PRTG: variants seen among roughly 807,000 people sequenced by gnomAD.
PRTG encodes the protein immunoglobulin superfamily, DCC subclass, member 5.
A neutral mutation model predicts 122.5 loss-of-function variants in PRTG; 67 were observed. The observed-to-expected ratio is 0.55, with a 90% confidence interval of 0.45 to 0.67. The LOEUF is 0.67. Among genes scored for constraint, PRTG ranks in the 30% least tolerant of loss-of-function variants. The pLI is 0.00. For synonymous variants in PRTG, 554 were observed against 501.1 expected (o/e 1.11, Z -1.41); for missense variants, 1,435 against 1,415.4 (o/e 1.01, Z -0.22).
At chr15:55,731,983 T>A (rs2031249860) in intron 2 of PRTG, among the ~76,000 whole-genome samples, 1 of 152,172 alleles carries the variant, frequency 6.6e-6, no homozygotes, top group Admixed American at 6.5e-5. Context: ...ATATCGCTCC[T>A]AGGCTACAAA....
chr15:55,701,406 C>T (rs895555469), intron 2 of PRTG, among the ~76,000 whole-genome samples: 4 of 151,976 alleles, frequency 2.6e-5, no homozygotes, highest in South Asian at 2.1e-4. Flanking sequence ...TGGTGGCAGG[C>T]GACTGTAATC....
chr15:55,666,840 C>G (rs1008127333), intron 11 of PRTG, among the ~76,000 whole-genome samples: 1 of 152,164 alleles, frequency 6.6e-6, no homozygotes, highest in South Asian at 2.1e-4. Flanking sequence ...CATTTAATCT[C>G]CCTAACATTC....
Position 55,654,402 on chromosome 15 carries a change from G to A in PRTG, c.2042-13194C>T, listed in dbSNP as rs1321464973. On this transcript the variant is annotated intron_variant, in intron 11 of 19. Coordinates refer to ENST00000389286, the MANE Select transcript of PRTG (RefSeq NM_173814.6). Reference sequence around the variant, plus strand: ...AACTTAAAAGCGAGTAAAATGGAGTGATCATTGATTATAAGTACGAAATTT... The same window carrying A: ...AACTTAAAAGCGAGTAAAATGGAGTAATCATTGATTATAAGTACGAAATTT... 5.9e-5 allele frequency among the ~76,000 whole-genome samples: 9 copies of A among 152,118 alleles called. No homozygotes were observed. The East Asian group carries it at 1.7e-3, about 29-fold the overall frequency.
At chr15:55,665,234 TG>T (rs1490796197) in intron 11 of PRTG, among the ~76,000 whole-genome samples, 2 of 151,946 alleles carry the variant, frequency 1.3e-5, no homozygotes, top group Non-Finnish European at 2.9e-5. Flanking sequence ...CACTCCAGCC[TG>T]GGTGACAGAG....
In PRTG at chr15:55,693,018, T is replaced by C. The variant is rs1035102457; in HGVS notation, c.398-9087A>G. On this transcript the variant is annotated intron_variant, in intron 2 of 19. Transcript: ENST00000389286. ...ACCACGGCCAGCTAATTTTTTTTTTTTTTGTATTTTCAGTAGAGACGGGGT... is the reference window on the plus strand; with the variant it reads ...ACCACGGCCAGCTAATTTTTTTTTTCTTTGTATTTTCAGTAGAGACGGGGT... 3.0e-4 allele frequency among the ~76,000 whole-genome samples: 45 copies of C among 151,908 alleles called. No individual in the cohort carries two copies. In the South Asian group the frequency reaches 9.2e-3, roughly 31 times the overall value.
chr15:55,647,160 A>C (rs2059328771), intron 11 of PRTG, among the ~76,000 whole-genome samples: 1 of 152,056 alleles, frequency 6.6e-6, no homozygotes, highest in African/African-American at 2.4e-5. Context: ...GGCGCCTGTA[A>C]TCCTAGCTAC....
intron 11 of PRTG, among the ~76,000 whole-genome samples, chr15:55,656,763 T>C (rs2059382550): frequency 6.6e-6 from 1 of 152,226 alleles, no homozygotes; most frequent in Non-Finnish European, 1.5e-5. Flanking sequence ...CCATCTCGGC[T>C]TCCCAAAGTG....
chr15:55,723,445 C>G (rs886486001), intron 2 of PRTG, among the ~76,000 whole-genome samples: 3 of 145,716 alleles, frequency 2.1e-5, no homozygotes, highest in Non-Finnish European at 1.5e-5. Context: ...GGGGCACCAT[C>G]AAGCAGACGA....
intron 11 of PRTG, among the ~76,000 whole-genome samples, chr15:55,667,956 G>A (rs754847507): frequency 8.5e-5 from 13 of 152,100 alleles, no homozygotes; most frequent in Non-Finnish European, 1.2e-4. Context: ...GCGTGGTGGC[G>A]CACGCCTGTG....
At chr15:55,623,189 G>GT (rs1193913764) in intron 18 of PRTG, among the ~76,000 whole-genome samples, 1 of 152,086 alleles carries the variant, frequency 6.6e-6, no homozygotes, top group Non-Finnish European at 1.5e-5. Flanking sequence ...GGGCCAGATC[G>GT]TAACTATTTT....
chr15:55,742,506 G>C, intron 1 of PRTG: 1 of 239,198 alleles, frequency 4.2e-6, no homozygotes, highest in Non-Finnish European at 8.0e-6. Flanking sequence ...GCGCGGACGC[G>C]GCCGGAGCCG....
At chr15:55,637,889 T>A (rs2059266632) in intron 14 of PRTG, among the ~76,000 whole-genome samples, 1 of 152,200 alleles carries the variant, frequency 6.6e-6, no homozygotes. Flanking sequence ...TAATATAAGC[T>A]AAAAGTGTGA....
chr15:55,729,591 AAAAATAAAATAAAAT>A (rs1327999268), intron 2 of PRTG, among the ~76,000 whole-genome samples: 4 of 151,796 alleles, frequency 2.6e-5, no homozygotes, highest in Non-Finnish European at 5.9e-5. Context: ...TGCGGGGAAA[AAAAATAAAATAAAAT>A]AAAATAAAAT....
chr15:55,682,594 C>T, intron 3 of PRTG, 97 bp from the exon 4 acceptor site: 5 of 320,956 alleles, frequency 1.6e-5, no homozygotes, highest in Non-Finnish European at 2.3e-5. Context: ...GATGGAGTTT[C>T]ACTCTTGTTG....
At chr15:55,696,201 C>T (rs2059631318) in intron 2 of PRTG, among the ~76,000 whole-genome samples, 1 of 151,946 alleles carries the variant, frequency 6.6e-6, no homozygotes, top group Non-Finnish European at 1.5e-5. Context: ...GAGGTAGAAG[C>T]TGCAGTGAGC....
At chr15:55,679,952 A>G (rs2059527665) in intron 6 of PRTG, 102 bp downstream of exon 6, 2 of 842,446 alleles carry the variant, frequency 2.4e-6, no homozygotes, top group South Asian at 3.9e-5. Context: ...AATACTTCAT[A>G]TCAATGCTAC....
chr15:55,631,245 A>T (rs1212090711), intron 15 of PRTG, among the ~76,000 whole-genome samples: 1 of 152,202 alleles, frequency 6.6e-6, no homozygotes, highest in East Asian at 1.9e-4. Flanking sequence ...TAAAAAAACA[A>T]AGATGTATTG....
At chr15:55,741,211 C>CCTTTTA (rs2141899716) in intron 1 of PRTG, among the ~76,000 whole-genome samples, 1 of 152,294 alleles carries the variant, frequency 6.6e-6, no homozygotes, top group Non-Finnish European at 1.5e-5. Flanking sequence ...TTCTATCTGC[C>CCTTTTA]CTTTTACAGC....
Position 55,628,841 on chromosome 15 carries a change from T to C in PRTG, c.2787A>G (p.Leu929=), listed in dbSNP as rs763607541. Reference sequence around the variant, plus strand: ...ACAGACCTTTGGCATCAGCAGAATCTAAACGCTTGGGCCTCTGATTTGATT... The same window carrying C: ...ACAGACCTTTGGCATCAGCAGAATCCAAACGCTTGGGCCTCTGATTTGATT... ...TSESNQRPKR[L]DSADAKVYSG... Residue 929 remains leucine (L), a synonymous_variant, in exon 16 of 20, where the codon TTA becomes TTG. Transcript: ENST00000389286. 6 of 1,613,370 alleles carry C rather than the reference T, an allele frequency of 3.7e-6. No individual in the cohort carries two copies. Among genetic ancestry groups the C allele is most frequent in the Non-Finnish European group, 5.1e-6 (6 of 1,179,588 alleles).
Sources: allele counts gnomAD v4.1 joint callset (sites outside exome capture counted in the v4.1 genomes callset), GRCh38; gene constraint gnomAD v4.1.1; transcripts MANE v1.5; gene names NCBI Gene and HGNC (gene_info 2026-07-23, HGNC 2026-07-21).